Variants in PDE1A observed in about 807,000 individuals in gnomAD.
PDE1A encodes phosphodiesterase 1A.
In PDE1A, 35 loss-of-function variants were observed where a neutral mutation model predicts 61.7. The observed-to-expected ratio is 0.57, with a 90% CI of 0.43 to 0.75. PDE1A has a LOEUF of 0.75. Ranked by LOEUF, PDE1A falls within the 30% of genes least tolerant of loss-of-function variation. The probability of loss-of-function intolerance (pLI) is 0.00; values close to 1 mark genes in which losing one functional copy is unlikely to be tolerated. For missense variants in PDE1A, 597 were observed against 630.6 expected (o/e 0.95, Z 0.57); for synonymous variants, 232 against 213.2 (o/e 1.09, Z -0.77).
chr2:182,317,805 T>C (rs1387979964), intron 1 of PDE1A, among the ~76,000 whole-genome samples: 1 of 151,678 alleles, frequency 6.6e-6, no homozygotes, highest in Non-Finnish European at 1.5e-5. Flanking sequence ...TAAATAGACA[T>C]GAGAAAGCTA....
intron 7 of PDE1A, among the ~76,000 whole-genome samples, chr2:182,219,717 A>C (rs1688558789): frequency 6.6e-6 from 1 of 152,052 alleles, no homozygotes; most frequent in African/African-American, 2.4e-5. Context: ...ATAACCTAGC[A>C]CTGGCCCTGC....
chr2:182,299,345 C>CTT (rs946191539), intron 1 of PDE1A, among the ~76,000 whole-genome samples: 1 of 150,942 alleles, frequency 6.6e-6, no homozygotes, highest in African/African-American at 2.4e-5. Context: ...CCAGGAGAAC[C>CTT]TTTCAGTTGG....
the PDE1A span, among the ~76,000 whole-genome samples, chr2:182,544,293 T>C: frequency 2.6e-5 from 4 of 152,122 alleles, 1 homozygote; most frequent in African/African-American, 7.2e-5. Context: ...CCCTGACAGA[T>C]AGTGGTAAAC....
chr2:182,571,281 T>C, the PDE1A span, among the ~76,000 whole-genome samples: 1 of 152,130 alleles, frequency 6.6e-6, no homozygotes, highest in Non-Finnish European at 1.5e-5. Context: ...CATTGAAATA[T>C]CACCAAGAGG....
the PDE1A span, among the ~76,000 whole-genome samples, chr2:182,533,901 CTTTA>C: frequency 6.6e-6 from 1 of 151,862 alleles, no homozygotes; most frequent in Non-Finnish European, 1.5e-5. Context: ...TTCTAGATAT[CTTTA>C]TTTATATAAT....
At chr2:182,214,570 A>C (rs1306401672) in intron 7 of PDE1A, among the ~76,000 whole-genome samples, 2 of 151,704 alleles carry the variant, frequency 1.3e-5, no homozygotes, top group South Asian at 4.2e-4. Flanking sequence ...ATGGAGGAAG[A>C]TCTACCAAGC....
At chr2:182,593,948 G>C in the PDE1A span, among the ~76,000 whole-genome samples, 10 of 152,256 alleles carry the variant, frequency 6.6e-5, no homozygotes, top group African/African-American at 2.4e-4. Flanking sequence ...GAAAATGCAT[G>C]GGCGTCACTT....
chr2:182,650,524 G>C, the PDE1A span, among the ~76,000 whole-genome samples: 1 of 152,180 alleles, frequency 6.6e-6, no homozygotes, highest in Non-Finnish European at 1.5e-5. Context: ...AAATAGGGAA[G>C]AACCAGGCTA....
At chr2:182,354,269 C>A (rs1699053488) in intron 1 of PDE1A, among the ~76,000 whole-genome samples, 3 of 152,178 alleles carry the variant, frequency 2.0e-5, no homozygotes, top group Non-Finnish European at 4.4e-5. Flanking sequence ...CTATTTTGTA[C>A]TACATGCAAT....
At chr2:182,694,458 A>C in the PDE1A span, among the ~76,000 whole-genome samples, 2 of 152,184 alleles carry the variant, frequency 1.3e-5, no homozygotes, top group African/African-American at 4.8e-5. Flanking sequence ...CACTCCATCT[A>C]CAGAAGCGGT....
chr2:182,424,630 G>C (rs187689097), intron 1 of PDE1A, among the ~76,000 whole-genome samples: 1 of 152,316 alleles, frequency 6.6e-6, no homozygotes, highest in East Asian at 1.9e-4. Flanking sequence ...CCCACTGCCA[G>C]CTTCCCTAAA....
rs923672829 is a variant in PDE1A at position 182,200,949 on chromosome 2, C to T, written c.1125+490G>A. ...TGTGGCAGAGAACGCCAGTCACAAT[C>T]CTTATCCGGGCTTGTTTCTGACGTA... is the stretch of plus-strand genomic sequence containing the variant. On this transcript the variant is annotated intron_variant, in intron 10 of 13. Coordinates refer to ENST00000351439, the Ensembl canonical transcript of PDE1A. Among the ~76,000 whole-genome samples the T allele has an allele frequency of 7.2e-5, 11 of 152,182 alleles. No individual in the cohort carries two copies. The South Asian group carries it at 2.1e-3, about 29-fold the overall frequency.
intron 2 of PDE1A, among the ~76,000 whole-genome samples, chr2:182,500,681 T>C (rs1006347763): frequency 1.3e-5 from 2 of 152,166 alleles, no homozygotes; most frequent in East Asian, 3.8e-4. Context: ...ATAACTCACA[T>C]ATAATTATCC....
chr2:182,597,607 G>A, the PDE1A span, among the ~76,000 whole-genome samples: 76,360 of 151,942 alleles, frequency 0.5, 19,524 homozygotes, highest in Middle Eastern at 0.62. Flanking sequence ...TACCCACCTC[G>A]TAATTTTGCC....
the PDE1A span, among the ~76,000 whole-genome samples, chr2:182,708,175 T>G: frequency 1.3e-5 from 2 of 152,244 alleles, no homozygotes; most frequent in East Asian, 1.9e-4. Context: ...AGTTTAGGAC[T>G]AGGCTCCCCA....
At chr2:182,570,520 T>C in the PDE1A span, among the ~76,000 whole-genome samples, 2 of 152,312 alleles carry the variant, frequency 1.3e-5, no homozygotes, top group Non-Finnish European at 1.5e-5. Flanking sequence ...AGTAATACAG[T>C]AGACAAAGCC....
chr2:182,404,577 CAA>C (rs140022959), intron 1 of PDE1A, among the ~76,000 whole-genome samples: 5,866 of 152,222 alleles, frequency 0.039, 135 homozygotes, highest in Middle Eastern at 0.072. Flanking sequence ...TACTGTTGTA[CAA>C]AAATATTTTC....
chr2:182,545,583 G>A, the PDE1A span, among the ~76,000 whole-genome samples: 2 of 152,108 alleles, frequency 1.3e-5, no homozygotes, highest in African/African-American at 4.8e-5. Flanking sequence ...CTGTGACTAA[G>A]TAGCTAGAAA....
intron 1 of PDE1A, among the ~76,000 whole-genome samples, chr2:182,287,292 C>T (rs113919561): frequency 1.5e-3 from 230 of 152,192 alleles, no homozygotes; most frequent in African/African-American, 5.4e-3. Context: ...ACAACCCAGT[C>T]GAAAATAATC....
Sources: gnomAD v4.1 joint callset for allele counts (sites outside exome capture counted in the v4.1 genomes callset) on GRCh38, gnomAD v4.1.1 for gene constraint, MANE v1.5 for transcripts, NCBI Gene and HGNC (gene_info 2026-07-23, HGNC 2026-07-21) for gene names.